The following FGGY variants were observed in gnomAD, a reference collection of about 807,000 sequenced individuals.
FGGY encodes the protein FGGY carbohydrate kinase domain containing.
Under a neutral mutation model 71.3 loss-of-function variants are expected in FGGY, and 72 were observed. The ratio of observed to expected loss-of-function variants is 1.01; its 90% CI spans 0.84 to 1.23. FGGY has a LOEUF of 1.23. FGGY is among the 50% of genes most tolerant of loss of function. The pLI, the probability that FGGY is intolerant of heterozygous loss-of-function variation, is 0.00. For missense variants in FGGY, 668 were observed against 682.3 expected (o/e 0.98, Z 0.23); for synonymous variants, 251 against 250.3 (o/e 1.00, Z -0.02).
At chr1:59,596,099 CTCTT>C (rs1326123849) in intron 8 of FGGY, among the ~76,000 whole-genome samples, 3 of 152,256 alleles carry the variant, frequency 2.0e-5, no homozygotes, top group South Asian at 4.1e-4. Context: ...CCTCTGAGGG[CTCTT>C]TCTTCTTTTT....
At chr1:59,728,726 G>T (rs920399584) in intron 14 of FGGY, among the ~76,000 whole-genome samples, 4 of 151,646 alleles carry the variant, frequency 2.6e-5, no homozygotes, top group Non-Finnish European at 4.4e-5. Flanking sequence ...TTATTTACAC[G>T]GTTTTCTGAG....
At chr1:59,592,311 A>G (rs1290002398) in intron 8 of FGGY, among the ~76,000 whole-genome samples, 1 of 152,118 alleles carries the variant, frequency 6.6e-6, no homozygotes, top group Non-Finnish European at 1.5e-5. Context: ...ATGTGGAGAA[A>G]TAGGAACACT....
chr1:59,376,554 T>C (rs1283645864), intron 4 of FGGY, among the ~76,000 whole-genome samples: 1 of 152,212 alleles, frequency 6.6e-6, no homozygotes, highest in African/African-American at 2.4e-5. Flanking sequence ...ACTTTTGTGT[T>C]GCTCTAAGGA....
chr1:59,524,924 C>T (rs2094935768), intron 7 of FGGY, among the ~76,000 whole-genome samples: 1 of 152,252 alleles, frequency 6.6e-6, no homozygotes, highest in Non-Finnish European at 1.5e-5. Flanking sequence ...CCCTCCGGCT[C>T]ACTCGCTACT....
At chr1:59,707,115 GGA>G (rs2097762354) in intron 14 of FGGY, among the ~76,000 whole-genome samples, 2 of 152,132 alleles carry the variant, frequency 1.3e-5, no homozygotes, top group South Asian at 4.1e-4. Context: ...AATGATTGAG[GGA>G]GAGAGAGAAA....
chr1:59,498,836 TC>T (rs1387145060), intron 6 of FGGY, among the ~76,000 whole-genome samples: 2 of 152,220 alleles, frequency 1.3e-5, no homozygotes, highest in South Asian at 2.1e-4. Flanking sequence ...GGGATTTTAC[TC>T]CATCATTTTG....
At chr1:59,566,577 A>G (rs1315180029) in intron 8 of FGGY, among the ~76,000 whole-genome samples, 1 of 152,174 alleles carries the variant, frequency 6.6e-6, no homozygotes, top group African/African-American at 2.4e-5. Context: ...TGAAATTGAA[A>G]GTCCCTACGT....
At chr1:59,585,734 A>G (rs1427659263) in intron 8 of FGGY, among the ~76,000 whole-genome samples, 2 of 152,202 alleles carry the variant, frequency 1.3e-5, no homozygotes, top group Non-Finnish European at 2.9e-5. Context: ...TGAACAGGCA[A>G]CCTACAGAAT....
intron 7 of FGGY, among the ~76,000 whole-genome samples, chr1:59,533,483 CT>C (rs1449777945): frequency 6.6e-6 from 1 of 152,232 alleles, no homozygotes; most frequent in African/African-American, 2.4e-5. Flanking sequence ...GAAGCTCGAA[CT>C]GGGTGGAGCC....
chr1:59,578,531 T>G (rs2096126226), intron 8 of FGGY, among the ~76,000 whole-genome samples: 1 of 152,088 alleles, frequency 6.6e-6, no homozygotes, highest in Non-Finnish European at 1.5e-5. Flanking sequence ...ATACTGTAGC[T>G]GCAGAAGGGA....
intron 14 of FGGY, among the ~76,000 whole-genome samples, chr1:59,709,454 A>C (rs573169160): frequency 7.0e-6 from 1 of 143,616 alleles, no homozygotes; most frequent in Non-Finnish European, 1.5e-5. Context: ...GGAGACACAG[A>C]ATGAAACTAT....
At chr1:59,722,298 T>C (rs954984040) in intron 14 of FGGY, among the ~76,000 whole-genome samples, 1 of 152,192 alleles carries the variant, frequency 6.6e-6, no homozygotes, top group Non-Finnish European at 1.5e-5. Flanking sequence ...ATGTTGGCCT[T>C]GGTCACCTAA....
intron 4 of FGGY, among the ~76,000 whole-genome samples, chr1:59,351,194 G>A (rs2053214567): frequency 1.3e-5 from 2 of 152,212 alleles, no homozygotes; most frequent in South Asian, 2.1e-4. Context: ...TACAGTGACA[G>A]CTGAGTAGTT....
intron 2 of FGGY, among the ~76,000 whole-genome samples, chr1:59,339,003 A>G (rs1459169992): frequency 6.6e-6 from 1 of 152,204 alleles, no homozygotes; most frequent in Non-Finnish European, 1.5e-5. Flanking sequence ...TTTGAGTGGC[A>G]TTGTGACGCC....
intron 8 of FGGY, among the ~76,000 whole-genome samples, chr1:59,561,613 A>G (rs2095794664): frequency 6.6e-6 from 1 of 152,192 alleles, no homozygotes; most frequent in African/African-American, 2.4e-5. Flanking sequence ...CCATCTGTTG[A>G]CCACGGACCA....
chr1:59,711,622 G>C (rs867984608), intron 14 of FGGY, among the ~76,000 whole-genome samples: 4 of 152,196 alleles, frequency 2.6e-5, no homozygotes, highest in South Asian at 2.1e-4. Flanking sequence ...CATGTGGCTG[G>C]AGAGGCCTCA....
At chr1:59,754,880 C>T (rs1574059168) in intron 14 of FGGY, 1 of 152,214 alleles carries the variant, frequency 6.6e-6, no homozygotes, top group East Asian at 1.9e-4. Context: ...TGGTTGATCC[C>T]AGGGTAACCT....
At chr1:59,756,305 G>A (rs1371836818) in intron 14 of FGGY, among the ~76,000 whole-genome samples, 1 of 152,134 alleles carries the variant, frequency 6.6e-6, no homozygotes, top group Admixed American at 6.5e-5. Flanking sequence ...CTCCCAATCA[G>A]CACATTCACA....
At chr1:59,423,905 C>A (rs1256181130) in intron 5 of FGGY, among the ~76,000 whole-genome samples, 1 of 152,260 alleles carries the variant, frequency 6.6e-6, no homozygotes, top group African/African-American at 2.4e-5. Flanking sequence ...CTTAGCACAA[C>A]TCTACCACCT....
Sources: gnomAD v4.1 joint callset for allele counts (sites outside exome capture counted in the v4.1 genomes callset) on GRCh38, gnomAD v4.1.1 for gene constraint, MANE v1.5 for transcripts, NCBI Gene and HGNC (gene_info 2026-07-23, HGNC 2026-07-21) for gene names.